The following MUC12 variants were observed in gnomAD, a reference collection of about 807,000 sequenced individuals.
MUC12 encodes mucin-12.
A neutral mutation model predicts 230.8 loss-of-function variants in MUC12; 172 were observed. The ratio of observed to expected loss-of-function variants is 0.75; its 90% CI spans 0.66 to 0.85. The LOEUF (loss-of-function observed/expected upper bound fraction) is 0.85, where lower values mean the gene tolerates loss of function less well. Ranked by LOEUF, MUC12 falls within the 40% of genes least tolerant of loss-of-function variation. The pLI is 0.00. For synonymous variants in MUC12, 1,259 were observed against 2,401.9 expected (o/e 0.52, Z 13.91); for missense variants, 3,506 against 5,920.6 (o/e 0.59, Z 13.38).
At position 100,992,002 on chromosome 7, in the gene MUC12, T is replaced by C. The variant is rs1247473418; in HGVS notation, c.1439T>C (p.Leu480Ser). ...ISSGSMETTA[L>S]PGSTTKPGLS... The stretch of plus-strand genomic sequence containing the variant: ...TCAGGCTCAATGGAAACCACAGCGT[T>C]ACCCGGCAGTACCACAAAACCAGGC... The change falls in exon 2 of 12, where the codon TTA becomes TCA. Residue 480 changes from leucine to serine, a missense_variant. Leu to Ser is a moderately radical substitution (Grantham distance 145). Coordinates refer to ENST00000536621, the MANE Select transcript of MUC12 (RefSeq NM_001164462.2). 1 of 1,537,982 alleles carries C rather than the reference T, an allele frequency of 6.5e-7. No individual in the cohort carries two copies. The highest frequency in any genetic ancestry group is 8.7e-7 in the Non-Finnish European group (1 of 1,147,072).
At chr7:101,005,722 C>G (rs1237393566) in intron 2 of MUC12, among the ~76,000 whole-genome samples, 1 of 152,150 alleles carries the variant, frequency 6.6e-6, no homozygotes, top group Non-Finnish European at 1.5e-5. Flanking sequence ...TGATGACAAT[C>G]TCTCCTTCCT....
chr7:101,013,321 G>T (rs1793865782), intron 8 of MUC12, among the ~76,000 whole-genome samples, 179 bp downstream of exon 8: 1 of 152,304 alleles, frequency 6.6e-6, no homozygotes, highest in African/African-American at 2.4e-5. Flanking sequence ...CAAGAGTGAG[G>T]AGTAGGAGTA....
In MUC12 at chr7:101,008,884, C is replaced by T. The variant is rs1793798319; in HGVS notation, c.15186+123C>T. 2.7e-5 allele frequency: 37 copies of T among 1,368,410 alleles called. No homozygotes were observed. In the South Asian group the frequency reaches 5.2e-4, roughly 19 times the overall value. 84.8% of individuals were successfully genotyped at this position (1,368,410 alleles called of 1,614,324 possible). On this transcript the variant is annotated intron_variant, in intron 4 of 11. Transcript: ENST00000536621. ...ATGAGCCCCCTCCCTACCAGTCTCCCTAAGTCTTGAAAGGAGGTCCTTTGA... is the reference window on the plus strand; with the variant it reads ...ATGAGCCCCCTCCCTACCAGTCTCCTTAAGTCTTGAAAGGAGGTCCTTTGA...
In MUC12 at chr7:100,991,621, G is replaced by A. The variant is rs1562782133; in HGVS notation, c.1058G>A (p.Gly353Asp). The change falls in exon 2 of 12, where the codon GGC becomes GAC. Residue 353 changes from glycine to aspartate, a missense_variant. By Grantham distance (94) the Gly-to-Asp change is moderately conservative. Coordinates refer to ENST00000536621, the MANE Select transcript of MUC12 (RefSeq NM_001164462.2). ...CCACCTGCCCGCTCCGCGACCTCAG[G>A]CCATGTTGAAGAATCTACAGCCTAC... ...TPPPARSATSGHVEESTAYHR... is the reference protein window; with the variant it reads ...TPPPARSATSDHVEESTAYHR... The A allele has an allele frequency of 6.5e-7, 1 of 1,536,744 alleles. No homozygotes were observed. The highest frequency in any genetic ancestry group is 8.7e-7 in the Non-Finnish European group (1 of 1,146,296).
At chr7:100,983,690 C>T (rs545463364) in intron 1 of MUC12, among the ~76,000 whole-genome samples, 2 of 152,218 alleles carry the variant, frequency 1.3e-5, no homozygotes, top group South Asian at 2.1e-4. Flanking sequence ...TGTGATAGGG[C>T]GAGTACAGGA....
chr7:101,004,543 C>G lies in MUC12; in HGVS notation c.13980C>G (p.Ser4660Arg), dbSNP rs552616938. 13 of 1,537,328 alleles carry G rather than the reference C, an allele frequency of 8.5e-6. No individual in the cohort carries two copies. Among genetic ancestry groups the G allele is most frequent in the Non-Finnish European group, 1.0e-5 (12 of 1,146,850 alleles). The part of the protein sequence containing the change: ...ALVEEPTSYH[S>R]SPGSIATTHF... ...TTGAAGAACCTACCAGCTACCACAGCAGCCCGGGCTCAATTGCAACAACAC... is the reference window on the plus strand; with the variant it reads ...TTGAAGAACCTACCAGCTACCACAGGAGCCCGGGCTCAATTGCAACAACAC... The change falls in exon 2 of 12, where the codon AGC becomes AGG. Residue 4660 changes from serine to arginine, a missense_variant. Coordinates refer to ENST00000536621, the MANE Select transcript of MUC12 (RefSeq NM_001164462.2).
At chr7:100,972,150 C>A (rs1792915492) in intron 1 of MUC12, 2 of 703,538 alleles carry the variant, frequency 2.8e-6, no homozygotes, top group East Asian at 5.4e-5. Flanking sequence ...CATTTCCCAG[C>A]AGGTAGCTCA....
rs1016156463 is a variant in MUC12 at position 101,013,924 on chromosome 7, C to T, written c.15650C>T (p.Thr5217Met). Reference sequence around the variant, plus strand: ...GTCTGTGTCCCCAGGTGCCCAAATACGAACACACACTGGTACTGGGGAGAG... The same window carrying T: ...GTCTGTGTCCCCAGGTGCCCAAATATGAACACACACTGGTACTGGGGAGAG... ...RSGPRCLCPN[T>M]NTHWYWGETC... is the part of the protein sequence containing the mutation. Residue 5217 changes from threonine (T) to methionine (M), a missense_variant, in exon 9 of 12, where the codon ACG becomes ATG. Coordinates refer to ENST00000536621, the MANE Select transcript of MUC12 (RefSeq NM_001164462.2). 1.0e-5 allele frequency: 16 copies of T among 1,533,636 alleles called. No homozygotes were observed. Among genetic ancestry groups the T allele is most frequent in the African/African-American group, 6.9e-5 (5 of 72,962 alleles).
chr7:100,993,483 C>G lies in MUC12; in HGVS notation c.2920C>G (p.Arg974Gly), dbSNP rs1287477400. The change falls in exon 2 of 12, where the codon CGC (arginine) becomes GGC (glycine). Residue 974 changes from arginine to glycine, a missense_variant. By Grantham distance (125) the Arg-to-Gly change is moderately radical. Coordinates refer to ENST00000536621, the MANE Select transcript of MUC12 (RefSeq NM_001164462.2). Reference protein sequence around the residue: ...TRVHSSTGSPRTTLSPASSTS... With the variant: ...TRVHSSTGSPGTTLSPASSTS... ...CGTCCACAGCAGCACTGGCTCACCACGCACAACACTGTCCCCTGCCAGCTC... is the reference window on the plus strand; with the variant it reads ...CGTCCACAGCAGCACTGGCTCACCAGGCACAACACTGTCCCCTGCCAGCTC... The G allele has an allele frequency of 1.8e-5, 18 of 1,021,436 alleles. 6 individuals are homozygous for G. Among genetic ancestry groups the G allele is most frequent in the Non-Finnish European group, 2.4e-5 (18 of 757,690 alleles). The allele number at this position is 1,021,436 out of a possible 1,614,324, so 63.3% of individuals were successfully genotyped here.
chr7:100,993,523 T>A lies in MUC12; in HGVS notation c.2960T>A (p.Leu987His), dbSNP rs1250905257. ...CCTGCCAGCTCCACAAGCCCTGGACTTCAGGGAGAATCTACTGCCTTCCAG... is the reference window on the plus strand; with the variant it reads ...CCTGCCAGCTCCACAAGCCCTGGACATCAGGGAGAATCTACTGCCTTCCAG... The part of the protein sequence containing the change: ...LSPASSTSPG[L>H]QGESTAFQTH... Residue 987 changes from leucine (L) to histidine (H), a missense_variant, in exon 2 of 12, where the codon CTT becomes CAT. Transcript: ENST00000536621. 1 of 1,007,282 alleles carries A rather than the reference T, an allele frequency of 9.9e-7. No homozygotes were observed. Among genetic ancestry groups the A allele is most frequent in the East Asian group, 3.9e-5 (1 of 25,372 alleles). The allele number at this position is 1,007,282 out of a possible 1,614,324, so 62.4% of individuals were successfully genotyped here. A position where few individuals can be genotyped will look rare whatever the true frequency, so the allele number is the denominator to read the frequency against.
chr7:101,011,358 A>G, intron 5 of MUC12, among the ~76,000 whole-genome samples: 1 of 152,012 alleles, frequency 6.6e-6, no homozygotes, highest in East Asian at 1.9e-4. Flanking sequence ...TTGTCTCAAG[A>G]TCTCTCCCCC....
chr7:101,006,979 G>A (rs1261277820), intron 3 of MUC12, among the ~76,000 whole-genome samples: 1 of 151,898 alleles, frequency 6.6e-6, no homozygotes, highest in Non-Finnish European at 1.5e-5. Context: ...TATTTTTTGA[G>A]AGGGAGTCTC....
Position 100,991,039 on chromosome 7 carries a change from C to G in MUC12, c.476C>G (p.Ser159Ter), listed in dbSNP as rs998389728. The G allele has an allele frequency of 6.5e-7, 1 of 1,537,648 alleles. No individual in the cohort carries two copies. Among genetic ancestry groups the G allele is most frequent in the Admixed American group, 2.0e-5 (1 of 50,978 alleles). Residue 159 changes from serine (S) to a stop codon, truncating the protein, a stop_gained, in exon 2 of 12, where the codon TCA becomes TGA. Transcript: ENST00000536621. LOFTEE classifies it high-confidence loss of function. Reference protein sequence around the residue: ...RTLSPARTTSSGVSEKSTTSH... With the variant: ...RTLSPARTTS ...CTCTCACCTGCCCGCACGACAAGCT[C>G]AGGCGTCAGTGAAAAATCAACCACC...
At chr7:100,973,632 C>T (rs1792959146) in intron 1 of MUC12, among the ~76,000 whole-genome samples, 1 of 152,112 alleles carries the variant, frequency 6.6e-6, no homozygotes, top group African/African-American at 2.4e-5. Context: ...CCTCCCACCT[C>T]AACTTCCTAA....
intron 1 of MUC12, among the ~76,000 whole-genome samples, chr7:100,985,762 G>C (rs1263809054): frequency 6.6e-6 from 1 of 152,148 alleles, no homozygotes; most frequent in Non-Finnish European, 1.5e-5. Flanking sequence ...GGAGGTTCTT[G>C]AGAGGTGATT....
chr7:100,990,881 T>G lies in MUC12; in HGVS notation c.318T>G (p.Val106=). The change falls in exon 2 of 12, where the codon GTT becomes GTG. Residue 106 remains valine (V), a synonymous_variant. Coordinates refer to ENST00000536621, the MANE Select transcript of MUC12 (RefSeq NM_001164462.2). ...FPSHSATSVF[V]GEPKTSPITS... The stretch of plus-strand genomic sequence containing the variant: ...CCCACTCTGCAACCTCAGTTTTTGT[T>G]GGAGAACCTAAAACCTCACCCATCA... 6.5e-7 allele frequency: 1 copy of G among 1,537,868 alleles called. No individual in the cohort carries two copies. The highest frequency in any genetic ancestry group is 8.7e-7 in the Non-Finnish European group (1 of 1,147,056).
chr7:101,006,862 A>G (rs888458598), intron 3 of MUC12, among the ~76,000 whole-genome samples: 1 of 152,208 alleles, frequency 6.6e-6, no homozygotes, highest in Admixed American at 6.5e-5. Flanking sequence ...CAGGAATGCA[A>G]TATGTAATAA....
rs1251028773 is a variant in MUC12, at chr7:100,972,165, A to T, written c.67+2476A>T. On this transcript the variant is annotated intron_variant, in intron 1 of 11. Transcript: ENST00000536621. Reference sequence around the variant, plus strand: ...CATTTCCCAGCAGGTAGCTCATATAATTCTCATGAGGAGATCTGTGTAAGG... The same window carrying T: ...CATTTCCCAGCAGGTAGCTCATATATTTCTCATGAGGAGATCTGTGTAAGG... The T allele has an allele frequency of 4.3e-6, 3 of 703,226 alleles. No individual in the cohort carries two copies. In the African/African-American group the frequency reaches 5.2e-5, roughly 12 times the overall value. 43.6% of individuals were successfully genotyped at this position (703,226 alleles called of 1,614,324 possible).
intron 1 of MUC12, among the ~76,000 whole-genome samples, chr7:100,975,437 G>A (rs999580063): frequency 6.6e-6 from 1 of 152,306 alleles, no homozygotes; most frequent in African/African-American, 2.4e-5. Flanking sequence ...AATAGACAAA[G>A]GGGCAACCTT....
Sources: allele counts gnomAD v4.1 joint callset (sites outside exome capture counted in the v4.1 genomes callset), GRCh38; gene constraint gnomAD v4.1.1; transcripts MANE v1.5; gene names NCBI Gene and HGNC (gene_info 2026-07-23, HGNC 2026-07-21).